KCNAB2: variants seen among roughly 807,000 people sequenced by gnomAD.
KCNAB2 encodes potassium voltage-gated channel subfamily A regulatory beta subunit 2.
A neutral mutation model predicts 63.6 loss-of-function variants in KCNAB2; 29 were observed. The ratio of observed to expected loss-of-function variants is 0.46; its 90% CI spans 0.34 to 0.62. The LOEUF (loss-of-function observed/expected upper bound fraction) is 0.62, where lower values mean the gene tolerates loss of function less well. Ranked by LOEUF, KCNAB2 falls within the 20% of genes least tolerant of loss-of-function variation. KCNAB2 has a pLI of 0.01. For missense variants in KCNAB2, 359 were observed against 563.9 expected (o/e 0.64, Z 3.68); for synonymous variants, 222 against 224.2 (o/e 0.99, Z 0.09).
rs1054388159 is a variant in KCNAB2 at position 6,069,589 on chromosome 1, C to T, written c.219-3166C>T. 6.6e-6 allele frequency among the ~76,000 whole-genome samples: 1 copy of T among 152,118 alleles called. No homozygotes were observed. The highest frequency in any genetic ancestry group is 2.1e-4 in the South Asian group (1 of 4,828). The stretch of plus-strand genomic sequence containing the variant: ...GCTTCATTAGGATGTCAGGTTTCAA[C>T]GATGGGGAAGAAATCGGTAGAAAAT... On this transcript the variant is annotated intron_variant, in intron 2 of 15. Transcript: ENST00000378083. This position sits in a 1 kb window ranked among gnomAD's most constrained non-coding sequence, Gnocchi z 5.4.
At chr1:6,083,225 G>A (rs983063863) in intron 5 of KCNAB2, among the ~76,000 whole-genome samples, 1 of 152,202 alleles carries the variant, frequency 6.6e-6, no homozygotes, top group African/African-American at 2.4e-5. Flanking sequence ...TGAGCCCAGC[G>A]GAGGGGTCTG....
intron 4 of KCNAB2, among the ~76,000 whole-genome samples, chr1:6,077,858 G>A (rs1457540105): frequency 1.3e-5 from 2 of 152,212 alleles, no homozygotes; most frequent in Admixed American, 6.5e-5. Flanking sequence ...GCAAGACACC[G>A]TCTCCAGTGG....
At chr1:6,045,767 C>A (rs1471726484), upstream of KCNAB2, among the ~76,000 whole-genome samples, 1 of 152,182 alleles carries the variant, frequency 6.6e-6, no homozygotes. The surrounding 1 kb of genome is among the most constrained non-coding windows in gnomAD (Gnocchi z 4.8). Context: ...CCCTTTCGAC[C>A]TGTGGGTCCA....
chr1:6,090,309 T>C (rs1435418200), intron 8 of KCNAB2, 80 bp from the exon 9 acceptor site: 8 of 996,154 alleles, frequency 8.0e-6, no homozygotes, highest in Non-Finnish European at 1.2e-5. Context: ...TCTTGTTCCC[T>C]GAGCCGGGCA....
chr1:6,017,233 G>T (rs1346387195), intron 1 of KCNAB2, among the ~76,000 whole-genome samples: 5 of 152,150 alleles, frequency 3.3e-5, no homozygotes, highest in Admixed American at 1.3e-4. Flanking sequence ...ACAGGTGTCT[G>T]CAGGGGAAGC....
rs994648065 is a variant in KCNAB2 at position 6,039,029 on chromosome 1, A to AC, written c.-52-1480dup. On this transcript the variant is annotated intron_variant, in intron 1 of 15. Coordinates refer to the KCNAB2 transcript ENST00000164247. ...CAGAACCACTGCCCTCCTGGAACAC[A>AC]CCCCCCCCAGAGAGGGAACTGGGGC... Among the ~76,000 whole-genome samples the AC allele has an allele frequency of 6.0e-4, 90 of 150,872 alleles. 1 individual carries two copies. The highest frequency in any genetic ancestry group is 2.7e-3 in the South Asian group (13 of 4,744).
Position 6,099,517 on chromosome 1 carries a change from A to C in KCNAB2, c.*943A>C. 1 of 341,788 alleles carries C rather than the reference A, an allele frequency of 2.9e-6. No individual in the cohort carries two copies. The highest frequency in any genetic ancestry group is 4.9e-5 in the East Asian group (1 of 20,508). The allele number at this position is 341,788 out of a possible 1,614,324, so 21.2% of individuals were successfully genotyped here. On this transcript the variant is annotated 3_prime_UTR_variant, in exon 16 of 16. Coordinates refer to ENST00000378083, the MANE Select transcript of KCNAB2 (RefSeq NM_001199862.2). Reference sequence around the variant, plus strand: ...GGTGGCTGCTGGCCACACCACGGCAAGTGGCAGCAGGGGCCGGCCCTGTGC... The same window carrying C: ...GGTGGCTGCTGGCCACACCACGGCACGTGGCAGCAGGGGCCGGCCCTGTGC...
At chr1:6,094,356 C>T in intron 10 of KCNAB2, 44 bp from the exon 11 acceptor site, 1 of 1,501,858 alleles carries the variant, frequency 6.7e-7, no homozygotes, top group Non-Finnish European at 9.1e-7. Context: ...TGGCCCTGAG[C>T]CCTGGCTGCC....
At chr1:6,095,655 G>A (rs756387909) in intron 13 of KCNAB2, 31 bp downstream of exon 13, 5 of 1,601,808 alleles carry the variant, frequency 3.1e-6, no homozygotes, top group Non-Finnish European at 4.3e-6. Context: ...GGAGGGACGG[G>A]CAGGGGATAG....
chr1:6,081,395 T>G (rs1664198995), intron 4 of KCNAB2, among the ~76,000 whole-genome samples: 1 of 152,182 alleles, frequency 6.6e-6, no homozygotes, highest in Non-Finnish European at 1.5e-5. Flanking sequence ...TTCAATGAGG[T>G]ACAACTGAAT....
chr1:6,067,098 G>A (rs888987602), intron 2 of KCNAB2, among the ~76,000 whole-genome samples: 3 of 152,204 alleles, frequency 2.0e-5, no homozygotes, highest in Non-Finnish European at 1.5e-5. Flanking sequence ...GGGTTCTGGG[G>A]CACCCTTCTG....
At chr1:6,079,339 G>T (rs1224775826) in intron 4 of KCNAB2, among the ~76,000 whole-genome samples, 2 of 152,200 alleles carry the variant, frequency 1.3e-5, no homozygotes, top group South Asian at 4.1e-4. Context: ...GGCCAACATG[G>T]TGAAACCTCA....
At chr1:6,050,982 C>T (rs1034207943) in intron 1 of KCNAB2, among the ~76,000 whole-genome samples, 1 of 152,244 alleles carries the variant, frequency 6.6e-6, no homozygotes, top group Non-Finnish European at 1.5e-5. Flanking sequence ...ACCTGGCATG[C>T]GGGGGTGAGG....
intron 2 of KCNAB2, among the ~76,000 whole-genome samples, chr1:6,068,974 G>A (rs1662975317): frequency 6.6e-6 from 1 of 152,194 alleles, no homozygotes; most frequent in Admixed American, 6.5e-5. Context: ...TGATAAGTAA[G>A]GGAGGGGCCA....
rs146650827 is a variant in KCNAB2, at chr1:6,073,370, C to T, written c.263-363C>T. On this transcript the variant is annotated intron_variant, in intron 3 of 15. Transcript: ENST00000378083. This position sits in a 1 kb window ranked among gnomAD's most constrained non-coding sequence, Gnocchi z 5.7. ...CTGTCCCAGCAGGAGCACGCAGACG[C>T]GGCTGTCAGACCTGGTGTGTTTTCA... Among the ~76,000 whole-genome samples, 290 of 152,276 alleles carry T rather than the reference C, an allele frequency of 1.9e-3. No homozygotes were observed. Among genetic ancestry groups the T allele is most frequent in the African/African-American group, 6.8e-3 (282 of 41,546 alleles).
chr1:6,005,538 G>A (rs893634040), intron 1 of KCNAB2, among the ~76,000 whole-genome samples: 3 of 150,320 alleles, frequency 2.0e-5, no homozygotes, highest in African/African-American at 7.5e-5. Context: ...GGAGCCGACT[G>A]AGGGTCCCCC....
intron 1 of KCNAB2, among the ~76,000 whole-genome samples, chr1:6,023,552 G>A (rs537008839): frequency 9.9e-5 from 15 of 152,272 alleles, no homozygotes; most frequent in African/African-American, 2.6e-4. Flanking sequence ...GGTTACTGAC[G>A]TTGAGCACCT....
chr1:6,063,020 G>A (rs891442746), intron 2 of KCNAB2, among the ~76,000 whole-genome samples: 6 of 148,150 alleles, frequency 4.0e-5, no homozygotes, highest in African/African-American at 1.3e-4. Context: ...CTACGGATTC[G>A]CCTATTTGGA....
intron 1 of KCNAB2, among the ~76,000 whole-genome samples, chr1:6,048,859 C>T (rs1471059900): frequency 6.6e-6 from 1 of 152,200 alleles, no homozygotes; most frequent in African/African-American, 2.4e-5. Flanking sequence ...GAGTGGCCGG[C>T]CAGTAGGCAG....
Sources: allele counts gnomAD v4.1 joint callset (sites outside exome capture counted in the v4.1 genomes callset), GRCh38; gene constraint gnomAD v4.1.1; non-coding constraint Gnocchi (gnomAD v3.1); transcripts MANE v1.5; gene names NCBI Gene and HGNC (gene_info 2026-07-23, HGNC 2026-07-21).